Variants in ST7L observed in about 807,000 individuals in gnomAD.
The protein encoded by ST7L is suppression of tumorigenicity 7 like, also known as suppressor of tumorigenicity 7 protein-like.
A neutral mutation model predicts 72.5 loss-of-function variants in ST7L; 57 were observed. The ratio of observed to expected loss-of-function variants is 0.79; its 90% CI spans 0.64 to 0.98. The LOEUF is 0.98. ST7L is among the 50% of genes least tolerant of loss of function. The pLI, the probability that ST7L is intolerant of heterozygous loss-of-function variation, is 0.00. For missense variants in ST7L, 576 were observed against 672.2 expected (o/e 0.86, Z 1.58); for synonymous variants, 221 against 240.9 (o/e 0.92, Z 0.77).
At chr1:112,617,756 C>T (rs187477924) in intron 1 of ST7L, among the ~76,000 whole-genome samples, 1 of 145,538 alleles carries the variant, frequency 6.9e-6, no homozygotes, top group African/African-American at 2.6e-5. Context: ...CACACACACA[C>T]GAAACGTAAA....
downstream of ST7L, chr1:112,522,831 CT>C (rs1213986183): frequency 6.6e-6 from 1 of 152,154 alleles, no homozygotes; most frequent in African/African-American, 2.4e-5. Flanking sequence ...AAGAGAATGT[CT>C]TCCTTCAGAA....
At chr1:112,552,023 C>A (rs2101565001) in intron 12 of ST7L, among the ~76,000 whole-genome samples, 1 of 152,246 alleles carries the variant, frequency 6.6e-6, no homozygotes, top group Non-Finnish European at 1.5e-5. Flanking sequence ...CAGGGTCAAG[C>A]ACGGCCAGAG....
rs1653138565 is a variant in ST7L at position 112,524,677 on chromosome 1, A to C, written c.*1336T>G. Reference sequence around the variant, plus strand: ...TACGGGGGTTGGGCATCTTTGAAGCAATGTTGGATAACAAGAAAGAGATGC... The same window carrying C: ...TACGGGGGTTGGGCATCTTTGAAGCCATGTTGGATAACAAGAAAGAGATGC... On this transcript the variant is annotated 3_prime_UTR_variant, in exon 15 of 15. Coordinates refer to ENST00000358039, the MANE Select transcript of ST7L (RefSeq NM_017744.5). 6.6e-6 allele frequency: 1 copy of C among 152,446 alleles called. No homozygotes were observed. The highest frequency in any genetic ancestry group is 2.1e-4 in the South Asian group (1 of 4,826). 9.4% of individuals were successfully genotyped at this position (152,446 alleles called of 1,614,324 possible).
chr1:112,567,051 G>A (rs1380304535), intron 11 of ST7L, among the ~76,000 whole-genome samples: 1 of 152,118 alleles, frequency 6.6e-6, no homozygotes, highest in East Asian at 1.9e-4. Flanking sequence ...CAAAGTGGTT[G>A]TACCATTTTG....
chr1:112,569,972 A>AAC (rs1417309770), intron 11 of ST7L, among the ~76,000 whole-genome samples: 1 of 151,432 alleles, frequency 6.6e-6, no homozygotes, highest in African/African-American at 2.4e-5. Flanking sequence ...AAAAAAAAAA[A>AAC]AACAAAAAAA....
At chr1:112,583,828 G>C (rs555793533) in intron 7 of ST7L, 144 bp downstream of exon 7, 2 of 882,318 alleles carry the variant, frequency 2.3e-6, no homozygotes, top group Non-Finnish European at 3.4e-6. Flanking sequence ...TTGCTGGCTT[G>C]TAGGTATTGT....
chr1:112,596,164 T>C (rs1283715780), intron 5 of ST7L, among the ~76,000 whole-genome samples: 1 of 152,234 alleles, frequency 6.6e-6, no homozygotes, highest in Non-Finnish European at 1.5e-5. Flanking sequence ...ATTAAGCATA[T>C]AAACATAAAT....
At chr1:112,555,550 G>A (rs1049520005) in intron 12 of ST7L, among the ~76,000 whole-genome samples, 1 of 152,018 alleles carries the variant, frequency 6.6e-6, no homozygotes, top group Non-Finnish European at 1.5e-5. Context: ...GGGGGACAGA[G>A]TGAGACTCCG....
intron 11 of ST7L, among the ~76,000 whole-genome samples, chr1:112,572,466 G>A (rs1277824458): frequency 2.0e-5 from 3 of 151,972 alleles, no homozygotes; most frequent in African/African-American, 2.4e-5. Context: ...CTCAACATGA[G>A]CAAAGCAGAA....
intron 2 of ST7L, among the ~76,000 whole-genome samples, chr1:112,611,696 T>C (rs1669083489): frequency 6.6e-6 from 1 of 152,158 alleles, no homozygotes; most frequent in South Asian, 2.1e-4. Context: ...TTCCAGCACT[T>C]TGGGAGGCCA....
In ST7L at chr1:112,618,979, C is replaced by T; in HGVS notation, c.135G>A (p.Trp45Ter). 6.2e-7 allele frequency: 1 copy of T among 1,610,288 alleles called. No homozygotes were observed. Among genetic ancestry groups the T allele is most frequent in the Non-Finnish European group, 8.5e-7 (1 of 1,178,326 alleles). ...AGLAGTGASL[W>*]FVAGLGLLYA... ...AAAGCAGCCCCAGCCCCGCCACGAACCACAACGAGGCCCCAGTCCCCGCCA... is the reference window on the plus strand; with the variant it reads ...AAAGCAGCCCCAGCCCCGCCACGAATCACAACGAGGCCCCAGTCCCCGCCA... Residue 45 changes from tryptophan (W) to a stop codon, truncating the protein, a stop_gained, in exon 1 of 15, where the codon TGG becomes TGA. Coordinates refer to ENST00000358039, the MANE Select transcript of ST7L (RefSeq NM_017744.5). LOFTEE classifies it high-confidence loss of function.
intron 14 of ST7L, among the ~76,000 whole-genome samples, chr1:112,533,585 A>G (rs1399074089): frequency 4.6e-5 from 7 of 152,140 alleles, no homozygotes; most frequent in African/African-American, 1.2e-4. Context: ...AAGTGCTGGG[A>G]TTACAGGCGT....
intron 11 of ST7L, among the ~76,000 whole-genome samples, chr1:112,574,708 T>A (rs1372473413): frequency 1.3e-5 from 2 of 150,214 alleles, no homozygotes; most frequent in South Asian, 2.1e-4. Flanking sequence ...ATAAAAAACA[T>A]AAAGGGAGGA....
intron 13 of ST7L, among the ~76,000 whole-genome samples, chr1:112,547,839 C>T (rs893356181): frequency 1.3e-5 from 2 of 151,966 alleles, no homozygotes; most frequent in African/African-American, 4.8e-5. Context: ...GCTGGGATTA[C>T]AAACGTGAGC....
At chr1:112,558,422 C>G (rs553449823) in intron 11 of ST7L, among the ~76,000 whole-genome samples, 1 of 152,198 alleles carries the variant, frequency 6.6e-6, no homozygotes, top group African/African-American at 2.4e-5. Context: ...AAATTTAAGC[C>G]TTACTTTATT....
chr1:112,563,903 A>G (rs190626022), intron 11 of ST7L, among the ~76,000 whole-genome samples: 21 of 152,360 alleles, frequency 1.4e-4, no homozygotes, highest in Admixed American at 7.8e-4. Context: ...TGAAGTAATG[A>G]TAATGCTTTA....
At chr1:112,550,866 T>C (rs1214663607) in intron 12 of ST7L, among the ~76,000 whole-genome samples, 173 bp from the exon 13 acceptor site, 3 of 152,152 alleles carry the variant, frequency 2.0e-5, no homozygotes, top group African/African-American at 4.8e-5. Flanking sequence ...AAGATTTATT[T>C]AGATAATAGT....
chr1:112,582,407 T>C lies in ST7L; in HGVS notation c.922A>G (p.Arg308Gly). ...RLAMCARKLGRIREAVKIMRD... is the reference protein window; with the variant it reads ...RLAMCARKLGGIREAVKIMRD... ...ATTATTTTTACTGCTTCTCTTATTC[T>C]TCCTAATTTTCTTGCACACATTGCC... Residue 308 changes from arginine to glycine, a missense_variant, in exon 8 of 15, where the codon AGA (arginine) becomes GGA (glycine). By Grantham distance (125) the Arg-to-Gly change is moderately radical. This residue lies in a region of ST7L where 511 missense variants were observed against 600.7 expected (regional missense o/e 0.85). Transcript: ENST00000358039. 6.2e-7 allele frequency: 1 copy of C among 1,606,046 alleles called. No individual in the cohort carries two copies. The highest frequency in any genetic ancestry group is 1.3e-5 in the African/African-American group (1 of 74,882).
At position 112,550,630 on chromosome 1, in the gene ST7L, G is replaced by A. The variant is rs530136560; in HGVS notation, c.1460C>T (p.Thr487Ile). Residue 487 changes from threonine to isoleucine, a missense_variant, in exon 13 of 15, where the codon ACA becomes ATA. Physicochemically the swap from Thr to Ile is moderately conservative, Grantham distance 89. Transcript: ENST00000358039. ...GHLFYPYPSCTETADRELLPT... is the reference protein window; with the variant it reads ...GHLFYPYPSCIETADRELLPT... ...TAATAGCTCTCTATCAGCCGTCTCT[G>A]TGCAGCTGGGATAAGGGTAAAATAG... 2 of 1,613,364 alleles carry A rather than the reference G, an allele frequency of 1.2e-6. No individual in the cohort carries two copies. The highest frequency in any genetic ancestry group is 1.1e-5 in the South Asian group (1 of 91,018).
Sources: allele counts gnomAD v4.1 joint callset (sites outside exome capture counted in the v4.1 genomes callset), GRCh38; gene constraint gnomAD v4.1.1; regional missense constraint gnomAD v4.1.1; transcripts MANE v1.5; gene names NCBI Gene and HGNC (gene_info 2026-07-23, HGNC 2026-07-21).